Variants in MTRR observed in about 807,000 individuals in gnomAD.
MTRR encodes the protein 5-methyltetrahydrofolate-homocysteine methyltransferase reductase.
In MTRR, 63 loss-of-function variants were observed where a neutral mutation model predicts 79.2. The observed-to-expected ratio is 0.80, with a 90% CI of 0.65 to 0.98. The LOEUF is 0.98. Ranked by LOEUF, MTRR falls within the 50% of genes least tolerant of loss-of-function variation. The pLI is 0.00. For missense variants in MTRR, 895 were observed against 839.6 expected, an observed-to-expected ratio of 1.07 and a Z score of -0.82; for synonymous variants, 355 against 313.3, an observed-to-expected ratio of 1.13 and a Z score of -1.41.
Position 7,895,976 on chromosome 5 carries a change from G to T in MTRR, c.1676+124G>T, listed in dbSNP as rs570222527. The T allele has an allele frequency of 4.1e-6, 5 of 1,234,214 alleles. No individual in the cohort carries two copies. In the South Asian group the frequency reaches 6.9e-5, roughly 17 times the overall value. 76.5% of individuals were successfully genotyped at this position (1,234,214 alleles called of 1,614,324 possible). A position where few individuals can be genotyped will look rare whatever the true frequency, so the allele number is the denominator to read the frequency against. On this transcript the variant is annotated intron_variant, in intron 12 of 14. Coordinates refer to ENST00000440940, the MANE Select transcript of MTRR (RefSeq NM_002454.3). ...TTTAAAAAATTATTATTCAATGTGC[G>T]ATAACATAATTTGTCACCATGGGAA...
chr5:7,873,276 A>G (rs2126661849), intron 2 of MTRR, 97 bp from the exon 3 acceptor site: 1 of 1,496,182 alleles, frequency 6.7e-7, no homozygotes, highest in Middle Eastern at 2.2e-4. Context: ...AGAAGATTGA[A>G]ATACAAGACA....
At position 7,875,302 on chromosome 5, in the gene MTRR, A is replaced by G; in HGVS notation, c.328A>G (p.Ile110Val). ...CACCTACTTTTGCAATGGGGGGAAG[A>G]TAATTGATAAACGACTTCAAGAGCT... is the stretch of plus-strand genomic sequence containing the variant. Reference protein sequence around the residue: ...EYTYFCNGGKIIDKRLQELGA... With the variant: ...EYTYFCNGGKVIDKRLQELGA... The change falls in exon 4 of 15, where the codon ATA becomes GTA. Residue 110 changes from isoleucine to valine, a missense_variant. By Grantham distance (29) the Ile-to-Val change is conservative. Transcript: ENST00000440940. 6.2e-7 allele frequency: 1 copy of G among 1,614,076 alleles called. No homozygotes were observed. The highest frequency in any genetic ancestry group is 8.5e-7 in the Non-Finnish European group (1 of 1,179,976).
chr5:7,900,194 G>C lies in MTRR; in HGVS notation c.*136G>C. On this transcript the variant is annotated 3_prime_UTR_variant, in exon 15 of 15. Coordinates refer to ENST00000440940, the MANE Select transcript of MTRR (RefSeq NM_002454.3). ...TCTTGAAGGACATGGAGTGGAGATT[G>C]GATCATTTAACAATATAACAAAACT... The C allele has an allele frequency of 1.0e-6, 1 of 974,056 alleles. No individual in the cohort carries two copies. The highest frequency in any genetic ancestry group is 1.5e-6 in the Non-Finnish European group (1 of 656,454). 60.3% of individuals were successfully genotyped at this position (974,056 alleles called of 1,614,324 possible). A position where few individuals can be genotyped will look rare whatever the true frequency, so the allele number is the denominator to read the frequency against.
rs2126807880 is a variant in MTRR at position 7,895,775 on chromosome 5, A to G, written c.1599A>G (p.Pro533=). 1 of 1,614,120 alleles carries G rather than the reference A, an allele frequency of 6.2e-7. No individual in the cohort carries two copies. The highest frequency in any genetic ancestry group is 8.5e-7 in the Non-Finnish European group (1 of 1,179,960). The part of the protein sequence containing the change: ...SPRTTNSFHL[P]DDPSIPIIMV... ...GAACAACAAATTCTTTCCACTTACC[A>G]GATGACCCCTCAATCCCCATCATAA... The change falls in exon 12 of 15, where the codon CCA becomes CCG. Residue 533 remains proline (P), a synonymous_variant. Coordinates refer to ENST00000440940, the MANE Select transcript of MTRR (RefSeq NM_002454.3).
At position 7,886,735 on chromosome 5, in the gene MTRR, T is replaced by C. The variant is rs376682868; in HGVS notation, c.1146+32T>C. On this transcript the variant is annotated intron_variant, in intron 8 of 14. Coordinates refer to ENST00000440940, the MANE Select transcript of MTRR (RefSeq NM_002454.3). Reference sequence around the variant, plus strand: ...TTTTCTGTCTTCTTCAGGTAACTATTTTAAAATATGCTTAGCTTTATTTAG... The same window carrying C: ...TTTTCTGTCTTCTTCAGGTAACTATCTTAAAATATGCTTAGCTTTATTTAG... The C allele has an allele frequency of 1.0e-5, 15 of 1,504,164 alleles. No homozygotes were observed. The African/African-American group carries it at 1.8e-4, about 18-fold the overall frequency. 93.2% of individuals were successfully genotyped at this position (1,504,164 alleles called of 1,614,324 possible). A position where few individuals can be genotyped will look rare whatever the true frequency, so the allele number is the denominator to read the frequency against.
At chr5:7,855,661 C>A (rs774742764) in intron 1 of MTRR, among the ~76,000 whole-genome samples, 1 of 152,098 alleles carries the variant, frequency 6.6e-6, no homozygotes, top group Non-Finnish European at 1.5e-5. Flanking sequence ...GCTTTTCTTT[C>A]AATTCTTATA....
chr5:7,867,945 A>G (rs1561115450), upstream of MTRR: 1 of 1,614,196 alleles, frequency 6.2e-7, no homozygotes, highest in Non-Finnish European at 8.5e-7. Context: ...GGTTGTCGTG[A>G]ACACAACCAA....
intron 4 of MTRR, among the ~76,000 whole-genome samples, chr5:7,876,946 T>G (rs1252209543): frequency 6.6e-6 from 1 of 152,222 alleles, no homozygotes; most frequent in Non-Finnish European, 1.5e-5. Flanking sequence ...GTAGCTGTTA[T>G]TGTTGAACTG....
rs771999078 is a variant in MTRR, at chr5:7,889,295, A to G, written c.1327+20A>G. The G allele has an allele frequency of 1.9e-6, 3 of 1,612,222 alleles. No individual in the cohort carries two copies. Among genetic ancestry groups the G allele is most frequent in the Admixed American group, 1.7e-5 (1 of 60,014 alleles). ...TGCTCGGTGAGTAGTCGCTTTCACA[A>G]GCACCTTGGTGGCTGTTCGTGCACT... On this transcript the variant is annotated intron_variant, in intron 9 of 14. Transcript: ENST00000440940.
Position 7,899,923 on chromosome 5 carries a change from GAAT to G in MTRR, c.1964_1966del (p.Asn655del), listed in dbSNP as rs1739207907. On this transcript the variant is annotated inframe_deletion, in exon 15 of 15. Coordinates refer to ENST00000440940, the MANE Select transcript of MTRR (RefSeq NM_002454.3). The stretch of plus-strand genomic sequence containing the variant: ...TTATTTTCTTTTCTAGAGATGCAAA[GAAT>G]ATGGCCAAGGATGTACATGATGCCC... 2 of 1,614,058 alleles carry G rather than the reference GAAT, an allele frequency of 1.2e-6. No homozygotes were observed. Among genetic ancestry groups the G allele is most frequent in the African/African-American group, 1.3e-5 (1 of 74,920 alleles).
At chr5:7,857,404 C>T (rs1273548642) in intron 1 of MTRR, among the ~76,000 whole-genome samples, 1 of 152,140 alleles carries the variant, frequency 6.6e-6, no homozygotes, top group Non-Finnish European at 1.5e-5. Context: ...AACCTTATAT[C>T]TCTCTATTAG....
At chr5:7,876,562 TG>T (rs1734595917) in intron 4 of MTRR, among the ~76,000 whole-genome samples, 1 of 152,208 alleles carries the variant, frequency 6.6e-6, no homozygotes, top group African/African-American at 2.4e-5. Context: ...CTACCTTACT[TG>T]AATTTTTCCT....
chr5:7,889,416 G>A, intron 9 of MTRR, 141 bp downstream of exon 9: 1 of 881,076 alleles, frequency 1.1e-6, no homozygotes, highest in Non-Finnish European at 1.8e-6. Context: ...ATGAATGGTG[G>A]TGATTGGTAA....
intron 1 of MTRR, 111 bp downstream of exon 1, chr5:7,869,326 C>A: frequency 7.5e-7 from 1 of 1,335,360 alleles, no homozygotes; most frequent in Non-Finnish European, 1.0e-6. Context: ...GCCCGTGGTT[C>A]CCACGCCCTT....
At chr5:7,873,662 A>G in intron 3 of MTRR, 136 bp downstream of exon 3, 1 of 1,012,982 alleles carries the variant, frequency 9.9e-7, no homozygotes, top group Non-Finnish European at 1.5e-6. Context: ...ATGTATATAT[A>G]AATGTATGTA....
At chr5:7,867,102 G>A (rs201119018), upstream of MTRR, 18 of 1,614,066 alleles carry the variant, frequency 1.1e-5, no homozygotes, top group Admixed American at 3.3e-5. Flanking sequence ...TTAGTGAAAT[G>A]TGGGACATGC....
In MTRR at chr5:7,897,170, G is replaced by T. The variant is rs12347; in HGVS notation, c.1875G>T (p.Val625=). 70 of 1,614,048 alleles carry T rather than the reference G, an allele frequency of 4.3e-5. No homozygotes were observed. The African/African-American group carries it at 7.9e-4, about 18-fold the overall frequency. ...VGEEEAPAKY[V]QDNIQLHGQQ... ...AGGAGGAAGCCCCAGCAAAGTATGT[G>T]CAAGACAACATCCAGCTTCATGGCC... Residue 625 remains valine, a synonymous_variant, in exon 14 of 15, where the codon GTG becomes GTT. Coordinates refer to ENST00000440940, the MANE Select transcript of MTRR (RefSeq NM_002454.3).
At chr5:7,852,520 C>A (rs1267292984) in intron 1 of MTRR, among the ~76,000 whole-genome samples, 2 of 152,132 alleles carry the variant, frequency 1.3e-5, no homozygotes, top group Non-Finnish European at 2.9e-5. Flanking sequence ...GGGTCAGACA[C>A]CTGCCCACCA....
intron 9 of MTRR, 71 bp downstream of exon 9, chr5:7,889,346 A>C: frequency 2.5e-6 from 4 of 1,571,812 alleles, no homozygotes; most frequent in Non-Finnish European, 3.5e-6. Context: ...TTTCTGTAGT[A>C]AAGAAAATTT....
Sources: gnomAD v4.1 joint callset for allele counts (sites outside exome capture counted in the v4.1 genomes callset) on GRCh38, gnomAD v4.1.1 for gene constraint, MANE v1.5 for transcripts, NCBI Gene and HGNC (gene_info 2026-07-23, HGNC 2026-07-21) for gene names.